The following RAD50 variants were observed in gnomAD, a reference collection of about 807,000 sequenced individuals.
RAD50 encodes the protein DNA repair protein RAD50.
A neutral mutation model predicts 168.8 loss-of-function variants in RAD50; 132 were observed. That is an observed-to-expected ratio of 0.78 (90% CI 0.68 to 0.90). The LOEUF (loss-of-function observed/expected upper bound fraction) is 0.90, where lower values mean the gene tolerates loss of function less well. RAD50 is among the 40% of genes least tolerant of loss of function. The pLI is 0.00. For missense variants in RAD50, 1,347 were observed against 1,534.4 expected (o/e 0.88, Z 2.04); for synonymous variants, 525 against 497.4 (o/e 1.06, Z -0.74).
At chr5:132,560,127 C>T (rs896502908) in intron 2 of RAD50, among the ~76,000 whole-genome samples, 3 of 151,962 alleles carry the variant, frequency 2.0e-5, no homozygotes, top group African/African-American at 7.3e-5. Flanking sequence ...CCTCTCTAGC[C>T]GCTCCCTGAC....
intron 3 of RAD50, among the ~76,000 whole-genome samples, chr5:132,577,770 C>T (rs148531070): frequency 2.0e-4 from 30 of 151,322 alleles, no homozygotes; most frequent in African/African-American, 7.1e-4. Context: ...TGTTTCCAGA[C>T]CCATTTACCC....
At chr5:132,572,630 C>G (rs1304161127) in intron 2 of RAD50, among the ~76,000 whole-genome samples, 2 of 151,966 alleles carry the variant, frequency 1.3e-5, no homozygotes, top group African/African-American at 4.8e-5. Context: ...TCTTTTAGGT[C>G]TTATAAGATG....
At position 132,559,458 on chromosome 5, in the gene RAD50, G is replaced by A. The variant is rs1750082836; in HGVS notation, c.213+91G>A. On this transcript the variant is annotated intron_variant, in intron 2 of 24. Coordinates refer to ENST00000378823, the MANE Select transcript of RAD50 (RefSeq NM_005732.4). ...ACTTGGCACTGGAAAACTATAAAGA[G>A]AAATGAAAGTCAGCCCCACACAGTT... is the stretch of plus-strand genomic sequence containing the variant. 3 of 1,348,158 alleles carry A rather than the reference G, an allele frequency of 2.2e-6. No individual in the cohort carries two copies. In the South Asian group the frequency reaches 4.1e-5, roughly 19 times the overall value. 83.5% of individuals were successfully genotyped at this position (1,348,158 alleles called of 1,614,324 possible).
chr5:132,591,109 A>G, intron 9 of RAD50, 115 bp from the exon 10 acceptor site: 1 of 1,091,292 alleles, frequency 9.2e-7, no homozygotes, highest in Non-Finnish European at 1.4e-6. Flanking sequence ...GTTGGATGCA[A>G]ACAGTAATAT....
At chr5:132,575,015 T>C (rs976224463) in intron 2 of RAD50, among the ~76,000 whole-genome samples, 5 of 152,226 alleles carry the variant, frequency 3.3e-5, no homozygotes, top group Non-Finnish European at 7.3e-5. Flanking sequence ...CCTTCTAAAC[T>C]GTTCCATCCT....
At chr5:132,559,412 G>A (rs1353175220) in intron 2 of RAD50, 45 bp downstream of exon 2, 2 of 1,547,478 alleles carry the variant, frequency 1.3e-6, no homozygotes, top group African/African-American at 2.8e-5. Context: ...TTATAAAAAT[G>A]ATAATAGCTT....
chr5:132,575,502 T>G (rs1279277871), intron 2 of RAD50, among the ~76,000 whole-genome samples: 1 of 152,198 alleles, frequency 6.6e-6, no homozygotes, highest in Non-Finnish European at 1.5e-5. Context: ...AAAAAACATT[T>G]TTGATGCTTA....
chr5:132,610,803 G>A (rs556280581), intron 19 of RAD50, among the ~76,000 whole-genome samples: 3 of 152,152 alleles, frequency 2.0e-5, no homozygotes, highest in South Asian at 4.1e-4. Flanking sequence ...CTGTAAATTC[G>A]CAGCAGCTCT....
At chr5:132,611,367 G>T (rs535819218) in intron 19 of RAD50, among the ~76,000 whole-genome samples, 7 of 151,208 alleles carry the variant, frequency 4.6e-5, no homozygotes, top group Admixed American at 2.0e-4. Flanking sequence ...CTTCAGCCTG[G>T]GTGACAAGAG....
chr5:132,629,978 C>T (rs1266112125), intron 21 of RAD50, among the ~76,000 whole-genome samples: 1 of 152,108 alleles, frequency 6.6e-6, no homozygotes, highest in Non-Finnish European at 1.5e-5. Context: ...TGGTGTTCTA[C>T]CCCATGCCCA....
chr5:132,591,838 A>T (rs2149842570), intron 10 of RAD50, 39 bp from the exon 11 acceptor site: 1 of 1,475,986 alleles, frequency 6.8e-7, no homozygotes, highest in Non-Finnish European at 9.4e-7. Flanking sequence ...ATGTGGAGAT[A>T]TAGACTTTAT....
At position 132,563,182 on chromosome 5, in the gene RAD50, A is replaced by G. The variant is rs181804767; in HGVS notation, c.213+3815A>G. On this transcript the variant is annotated intron_variant, in intron 2 of 24. Coordinates refer to ENST00000378823, the MANE Select transcript of RAD50 (RefSeq NM_005732.4). The stretch of plus-strand genomic sequence containing the variant: ...TGTTGTTGTTTTATTGTGTTTTTAA[A>G]AGTGGGATATACTAGAGCATTTGTA... 3.6e-4 allele frequency among the ~76,000 whole-genome samples: 55 copies of G among 152,318 alleles called. No individual in the cohort carries two copies. In the East Asian group the frequency reaches 0.011, roughly 29 times the overall value.
intron 2 of RAD50, among the ~76,000 whole-genome samples, chr5:132,572,424 A>C (rs1750322750): frequency 6.6e-6 from 1 of 152,164 alleles, no homozygotes; most frequent in Non-Finnish European, 1.5e-5. Context: ...ACAATAACCA[A>C]AAAACCCTAA....
intron 9 of RAD50, among the ~76,000 whole-genome samples, chr5:132,590,349 A>G (rs891699037): frequency 2.0e-5 from 3 of 152,208 alleles, no homozygotes; most frequent in Non-Finnish European, 4.4e-5. Context: ...GTGTGCCTGT[A>G]ATCCCAGCTA....
chr5:132,578,098 C>T (rs1750431130), intron 3 of RAD50, among the ~76,000 whole-genome samples: 1 of 152,190 alleles, frequency 6.6e-6, no homozygotes, highest in African/African-American at 2.4e-5. Flanking sequence ...CAGGCGTGAG[C>T]CACCGCGCCC....
At chr5:132,581,896 C>G (rs1750511801) in intron 5 of RAD50, among the ~76,000 whole-genome samples, 1 of 152,064 alleles carries the variant, frequency 6.6e-6, no homozygotes, top group African/African-American at 2.4e-5. Context: ...TTGCCCCACT[C>G]CACGTTTTAT....
intron 16 of RAD50, among the ~76,000 whole-genome samples, chr5:132,605,201 T>C (rs1160489129): frequency 2.0e-5 from 3 of 151,400 alleles, no homozygotes; most frequent in Admixed American, 6.6e-5. Flanking sequence ...TGCACCACCA[T>C]GCCTGGCTAA....
chr5:132,584,350 G>A (rs1158543021), intron 5 of RAD50, among the ~76,000 whole-genome samples: 2 of 152,084 alleles, frequency 1.3e-5, no homozygotes, highest in Non-Finnish European at 2.9e-5. Flanking sequence ...ACTTTTTGAT[G>A]GGGTTGTTTG....
intron 2 of RAD50, among the ~76,000 whole-genome samples, chr5:132,571,645 G>C (rs1171174690): frequency 6.6e-6 from 1 of 152,128 alleles, no homozygotes; most frequent in East Asian, 1.9e-4. Context: ...TTATGACTCA[G>C]AGGTCGTGGA....
Sources: allele counts gnomAD v4.1 joint callset (sites outside exome capture counted in the v4.1 genomes callset), GRCh38; gene constraint gnomAD v4.1.1; transcripts MANE v1.5; gene names NCBI Gene and HGNC (gene_info 2026-07-23, HGNC 2026-07-21).